The following CSMD1 variants were observed in gnomAD, a reference collection of about 807,000 sequenced individuals.
The protein encoded by CSMD1 is CUB and sushi domain-containing protein 1.
CSMD1 carries 213 observed loss-of-function variants against 417.5 expected under a neutral mutation model. The ratio of observed to expected loss-of-function variants is 0.51; its 90% CI spans 0.46 to 0.57. The LOEUF (loss-of-function observed/expected upper bound fraction) is 0.57. Ranked by LOEUF, CSMD1 falls within the 20% of genes least tolerant of loss-of-function variation. CSMD1 has a pLI of 0.00. For missense variants in CSMD1, 6,923 were observed against 4,529.7 expected, an observed-to-expected ratio of 1.53 and a Z score of -15.17; for synonymous variants, 2,862 against 1,736.8, an observed-to-expected ratio of 1.65 and a Z score of -16.11.
chr8:3,311,813 CAT>C (rs200681735), intron 23 of CSMD1, among the ~76,000 whole-genome samples: 3,065 of 152,220 alleles, frequency 0.02, 40 homozygotes, highest in East Asian at 0.036. Flanking sequence ...TCACTGGAGA[CAT>C]GTGTAATAAC....
chr8:4,113,394 T>A (rs1320827422), intron 3 of CSMD1, among the ~76,000 whole-genome samples: 20 of 16,260 alleles, frequency 1.2e-3, no homozygotes, highest in African/African-American at 2.6e-3. Flanking sequence ...AAAGGGCTTT[T>A]TTTTTTTTTT....
intron 5 of CSMD1, among the ~76,000 whole-genome samples, chr8:3,839,411 A>G (rs1802951284): frequency 8.0e-6 from 1 of 124,352 alleles, no homozygotes; most frequent in Non-Finnish European, 1.6e-5. Flanking sequence ...TATATAATAA[A>G]AAATAAATAT....
At chr8:3,296,476 G>T (rs536785651) in intron 25 of CSMD1, among the ~76,000 whole-genome samples, 3 of 152,050 alleles carry the variant, frequency 2.0e-5, no homozygotes, top group Non-Finnish European at 2.9e-5. Flanking sequence ...ATGATACACC[G>T]ATGCGGGATT....
chr8:3,471,992 T>A (rs762254724), intron 11 of CSMD1, among the ~76,000 whole-genome samples: 1 of 152,036 alleles, frequency 6.6e-6, no homozygotes, highest in African/African-American at 2.4e-5. Context: ...ACCCTACTCA[T>A]CTGTGTTCCC....
rs370706296 is a variant in CSMD1 at position 3,261,772 on chromosome 8, C to A, written c.4153+22372G>T. 1.4e-4 allele frequency among the ~76,000 whole-genome samples: 21 copies of A among 152,216 alleles called. No homozygotes were observed. The East Asian group carries it at 2.9e-3, about 21-fold the overall frequency. On this transcript the variant is annotated intron_variant, in intron 26 of 69. Coordinates refer to ENST00000635120, the MANE Select transcript of CSMD1 (RefSeq NM_033225.6). ...GAGAGACGACACACTGCCTGATTCCCTCCACAGCACATTTGTGAAATGATC... is the reference window on the plus strand; with the variant it reads ...GAGAGACGACACACTGCCTGATTCCATCCACAGCACATTTGTGAAATGATC...
intron 3 of CSMD1, among the ~76,000 whole-genome samples, chr8:4,291,832 G>A (rs17413309): frequency 1.3e-5 from 2 of 152,198 alleles, no homozygotes; most frequent in East Asian, 1.9e-4. Context: ...AAACCATATG[G>A]CCTTTGCAAA....
chr8:3,524,254 TACAC>T (rs970329685), intron 10 of CSMD1, among the ~76,000 whole-genome samples: 13 of 128,772 alleles, frequency 1.0e-4, no homozygotes, highest in South Asian at 2.5e-4. Context: ...CCCAGAGACA[TACAC>T]ACAAGCACAC....
intron 5 of CSMD1, among the ~76,000 whole-genome samples, chr8:3,776,686 T>C (rs1322929514): frequency 6.6e-6 from 1 of 152,070 alleles, no homozygotes; most frequent in South Asian, 2.1e-4. Context: ...CATTACCTGA[T>C]TTCATACAGA....
intron 1 of CSMD1, among the ~76,000 whole-genome samples, chr8:4,646,594 T>C (rs867777802): frequency 1.3e-5 from 2 of 152,236 alleles, no homozygotes; most frequent in Non-Finnish European, 1.5e-5. Context: ...AAATTCTTTC[T>C]GTGTAGATAT....
intron 2 of CSMD1, among the ~76,000 whole-genome samples, chr8:4,492,450 T>A (rs779991413): frequency 6.6e-6 from 1 of 152,184 alleles, no homozygotes; most frequent in African/African-American, 2.4e-5. Context: ...ATATTTTACA[T>A]CACAAGTAAA....
chr8:4,139,549 C>T (rs536666855), intron 3 of CSMD1, among the ~76,000 whole-genome samples: 7 of 151,098 alleles, frequency 4.6e-5, no homozygotes, highest in Middle Eastern at 3.4e-3. Context: ...TCCTGCACGA[C>T]GATCTGCATA....
Position 3,197,890 on chromosome 8 carries a change from T to C in CSMD1, c.5194+1824A>G, listed in dbSNP as rs139598304. ...AATTTATAAGTTGCATTTATGATTC[T>C]AGTTCTTCCAAAAAAACTTAGTTTT... is the stretch of plus-strand genomic sequence containing the variant. On this transcript the variant is annotated intron_variant, in intron 33 of 69. Transcript: ENST00000635120. Among the ~76,000 whole-genome samples the C allele has an allele frequency of 6.7e-3, 1,019 of 152,340 alleles. 12 individuals carry two copies. Among genetic ancestry groups the C allele is most frequent in the African/African-American group, 0.023 (938 of 41,580 alleles).
intron 2 of CSMD1, among the ~76,000 whole-genome samples, chr8:4,574,759 A>G (rs943030374): frequency 1.2e-4 from 19 of 152,200 alleles, no homozygotes; most frequent in African/African-American, 4.6e-4. Context: ...TGTACTGATG[A>G]AGCACAATGA....
chr8:4,440,030 G>A (rs949888146), intron 2 of CSMD1, among the ~76,000 whole-genome samples: 4 of 152,108 alleles, frequency 2.6e-5, no homozygotes, highest in Non-Finnish European at 4.4e-5. Flanking sequence ...GAGTTAAGAA[G>A]CTTAATATAT....
chr8:3,868,320 C>T (rs1000254681), intron 5 of CSMD1, among the ~76,000 whole-genome samples: 4 of 152,026 alleles, frequency 2.6e-5, no homozygotes, highest in East Asian at 3.9e-4. Flanking sequence ...CATTTTCACC[C>T]GGAGACATTT....
At chr8:4,887,262 C>A (rs1308065045) in intron 1 of CSMD1, among the ~76,000 whole-genome samples, 1 of 151,990 alleles carries the variant, frequency 6.6e-6, no homozygotes, top group African/African-American at 2.4e-5. Context: ...TGTTTAATTT[C>A]CATACATGTA....
intron 5 of CSMD1, among the ~76,000 whole-genome samples, chr8:3,831,683 A>G (rs1339483393): frequency 6.6e-6 from 1 of 152,120 alleles, no homozygotes; most frequent in Non-Finnish European, 1.5e-5. Context: ...CCGGCAAAGG[A>G]TATATGTTTG....
chr8:3,716,780 A>C (rs1801866347), intron 6 of CSMD1, among the ~76,000 whole-genome samples: 2 of 152,134 alleles, frequency 1.3e-5, no homozygotes, highest in Non-Finnish European at 2.9e-5. Flanking sequence ...ATATGGTTCA[A>C]CTTTCCATTT....
At chr8:3,273,228 T>G (rs1802005139) in intron 26 of CSMD1, among the ~76,000 whole-genome samples, 1 of 151,166 alleles carries the variant, frequency 6.6e-6, no homozygotes, top group Non-Finnish European at 1.5e-5. Flanking sequence ...ATATGCTGGA[T>G]TACATTTATA....
Sources: allele counts gnomAD v4.1 joint callset (sites outside exome capture counted in the v4.1 genomes callset), GRCh38; gene constraint gnomAD v4.1.1; transcripts MANE v1.5; gene names NCBI Gene and HGNC (gene_info 2026-07-23, HGNC 2026-07-21).